Variants in CASZ1 observed in about 807,000 individuals in gnomAD.
CASZ1 encodes the protein castor zinc finger 1.
A neutral mutation model predicts 135.2 loss-of-function variants in CASZ1; 28 were observed. That is an observed-to-expected ratio of 0.21 (90% CI 0.15 to 0.28). The LOEUF is 0.28. Ranked by LOEUF, CASZ1 falls within the 10% of genes least tolerant of loss-of-function variation. CASZ1 has a pLI of 1.00. For synonymous variants in CASZ1, 1,068 were observed against 1,073.4 expected, an observed-to-expected ratio of 0.99 and a Z score of 0.10; for missense variants, 2,161 against 2,453.3, an observed-to-expected ratio of 0.88 and a Z score of 2.52.
At position 10,711,245 on chromosome 1, in the gene CASZ1, C is replaced by G. The variant is rs1427280543; in HGVS notation, c.-76-5701G>C. ...ATTGGGTACGCAGGCTGCTTAACCTCTCCAGGCCCCAGCTTCTTCCATTGA... is the reference window on the plus strand; with the variant it reads ...ATTGGGTACGCAGGCTGCTTAACCTGTCCAGGCCCCAGCTTCTTCCATTGA... On this transcript the variant is annotated intron_variant, in intron 2 of 20. Coordinates refer to ENST00000377022, the MANE Select transcript of CASZ1 (RefSeq NM_001079843.3). This position sits in a 1 kb window ranked among gnomAD's most constrained non-coding sequence, Gnocchi z 4.4. Among the ~76,000 whole-genome samples, 4 of 152,238 alleles carry G rather than the reference C, an allele frequency of 2.6e-5. No homozygotes were observed. The highest frequency in any genetic ancestry group is 9.6e-5 in the African/African-American group (4 of 41,464).
At chr1:10,722,022 C>T (rs1001010619) in intron 2 of CASZ1, among the ~76,000 whole-genome samples, 3 of 152,332 alleles carry the variant, frequency 2.0e-5, no homozygotes, top group South Asian at 4.1e-4. Context: ...AGCATCTGCT[C>T]GTTAAGATGA....
At chr1:10,773,701 T>A (rs1417401432) in intron 1 of CASZ1, among the ~76,000 whole-genome samples, 1 of 151,710 alleles carries the variant, frequency 6.6e-6, no homozygotes, top group Non-Finnish European at 1.5e-5. Flanking sequence ...CAGGTGGGGG[T>A]TCCAGCTTCC....
chr1:10,658,291 G>C (rs916435041), intron 7 of CASZ1: 1 of 549,630 alleles, frequency 1.8e-6, no homozygotes, highest in African/African-American at 1.9e-5. Context: ...AGGCTGCTGA[G>C]GGAATGTGTG....
At chr1:10,792,319 TC>T (rs1553144420) in intron 1 of CASZ1, among the ~76,000 whole-genome samples, 1 of 16,918 alleles carries the variant, frequency 5.9e-5, no homozygotes, top group Admixed American at 1.2e-3. Flanking sequence ...GGCTTACCCC[TC>T]CCCCCCGCCC....
At position 10,706,027 on chromosome 1, in the gene CASZ1, C is replaced by T. The variant is rs899915892; in HGVS notation, c.-76-483G>A. On this transcript the variant is annotated intron_variant, in intron 2 of 20. Transcript: ENST00000377022. This position sits in a 1 kb window ranked among gnomAD's most constrained non-coding sequence, Gnocchi z 4.3. ...TAAAAATGACAAATGCCAAACTGTT[C>T]GCTCTAGCAAGTTGGTGACAGAGGG... is the stretch of plus-strand genomic sequence containing the variant. Among the ~76,000 whole-genome samples the T allele has an allele frequency of 5.9e-5, 9 of 152,252 alleles. No homozygotes were observed. The highest frequency in any genetic ancestry group is 9.6e-5 in the African/African-American group (4 of 41,468).
chr1:10,737,567 T>C (rs1639824372), intron 2 of CASZ1, among the ~76,000 whole-genome samples: 1 of 152,182 alleles, frequency 6.6e-6, no homozygotes, highest in South Asian at 2.1e-4. Flanking sequence ...TTGCATACCC[T>C]GAGATATCTG....
intron 1 of CASZ1, among the ~76,000 whole-genome samples, chr1:10,789,598 T>C (rs765462735): frequency 3.3e-5 from 5 of 151,906 alleles, no homozygotes; most frequent in Admixed American, 1.3e-4. Context: ...ACTCTCTTTC[T>C]CTACGTGTCT....
Position 10,701,698 on chromosome 1 carries a change from G to A in CASZ1, c.-24+3794C>T, listed in dbSNP as rs761785720. ...CCCATCTTGTCGTGAATGAAGACTC[G>A]GCCGATCAGGCTGCTGGTTTGAGGG... On this transcript the variant is annotated intron_variant, in intron 3 of 20. Coordinates refer to ENST00000377022, the MANE Select transcript of CASZ1 (RefSeq NM_001079843.3). The surrounding 1 kb of genome is among the most constrained non-coding windows in gnomAD (Gnocchi z 6.3). Among the ~76,000 whole-genome samples the A allele has an allele frequency of 2.6e-5, 4 of 152,170 alleles. No homozygotes were observed.
intron 1 of CASZ1, among the ~76,000 whole-genome samples, chr1:10,769,765 C>T (rs1473368550): frequency 6.6e-6 from 1 of 152,222 alleles, no homozygotes; most frequent in Non-Finnish European, 1.5e-5. Flanking sequence ...GATCTGCCCA[C>T]CTTGGCCTCC....
chr1:10,654,670 G>C lies in CASZ1; in HGVS notation c.1666-79C>G. On this transcript the variant is annotated intron_variant, in intron 9 of 20. Coordinates refer to ENST00000377022, the MANE Select transcript of CASZ1 (RefSeq NM_001079843.3). ...GAGGTCGACACCACTGTGTGTGGCT[G>C]GGGCCACTGACTTCCCTGCTCAGGG... 2.9e-6 allele frequency: 4 copies of C among 1,398,066 alleles called. No individual in the cohort carries two copies. In the African/African-American group the frequency reaches 5.7e-5, roughly 20 times the overall value. The allele number at this position is 1,398,066 out of a possible 1,614,324, so 86.6% of individuals were successfully genotyped here. A position where few individuals can be genotyped will look rare whatever the true frequency, so the allele number is the denominator to read the frequency against.
chr1:10,644,896 C>T (rs534483901), intron 18 of CASZ1, 21 bp downstream of exon 18: 49 of 1,602,442 alleles, frequency 3.1e-5, no homozygotes, highest in Non-Finnish European at 3.9e-5. Context: ...AGTCCCTGCC[C>T]GCAGCCCCAG....
Position 10,660,163 on chromosome 1 carries a change from G to A in CASZ1, c.879C>T (p.Pro293=), listed in dbSNP as rs1642968646. ...AHLETKATIL[P]LPSHSSVQMQ... ...TCTGGACACTGCTGTGCGACGGCAG[G>A]GGCAGGATGGTGGCCTTGGTCTCCA... Residue 293 remains proline (P), a synonymous_variant, in exon 6 of 21, where the codon CCC becomes CCT. Transcript: ENST00000377022. 6.2e-7 allele frequency: 1 copy of A among 1,613,884 alleles called. No homozygotes were observed. The highest frequency in any genetic ancestry group is 1.1e-5 in the South Asian group (1 of 91,086).
At chr1:10,781,621 C>T (rs537079960) in intron 1 of CASZ1, among the ~76,000 whole-genome samples, 61 of 152,310 alleles carry the variant, frequency 4.0e-4, no homozygotes, top group African/African-American at 1.1e-3. Context: ...TCTGGGATGA[C>T]GCTTCAGCCT....
chr1:10,729,902 G>A (rs775334698), intron 2 of CASZ1, among the ~76,000 whole-genome samples: 1 of 151,892 alleles, frequency 6.6e-6, no homozygotes, highest in South Asian at 2.1e-4. Flanking sequence ...TGCAACTTCC[G>A]CCTCCCAGGT....
chr1:10,707,345 G>A lies in CASZ1; in HGVS notation c.-76-1801C>T, dbSNP rs897409054. Among the ~76,000 whole-genome samples the A allele has an allele frequency of 3.3e-5, 5 of 152,150 alleles. No homozygotes were observed. The highest frequency in any genetic ancestry group is 1.3e-4 in the Admixed American group (2 of 15,274). ...CCGGAATGATAACGACTTGCAGCGC[G>A]GTGTTGCCGTCCCCAACCACCCCTG... is the stretch of plus-strand genomic sequence containing the variant. On this transcript the variant is annotated intron_variant, in intron 2 of 20. Transcript: ENST00000377022. This position sits in a 1 kb window ranked among gnomAD's most constrained non-coding sequence, Gnocchi z 5.0.
chr1:10,642,678 C>T (rs191495139), intron 20 of CASZ1, among the ~76,000 whole-genome samples, 181 bp downstream of exon 20: 7 of 152,288 alleles, frequency 4.6e-5, no homozygotes, highest in East Asian at 3.9e-4. Context: ...GCCAGGGAGG[C>T]GGGAGGATGG....
intron 4 of CASZ1, among the ~76,000 whole-genome samples, chr1:10,680,876 TG>T (rs1638393930): frequency 6.6e-6 from 1 of 152,230 alleles, no homozygotes; most frequent in African/African-American, 2.4e-5. Flanking sequence ...GGGGCAGGGC[TG>T]GGGCCTCACC....
At chr1:10,677,489 T>G (rs1007886493) in intron 4 of CASZ1, among the ~76,000 whole-genome samples, 2 of 152,114 alleles carry the variant, frequency 1.3e-5, no homozygotes, top group Non-Finnish European at 2.9e-5. Flanking sequence ...GTGTGGCAAG[T>G]GGCTCTGGCT....
rs981260367 is a variant in CASZ1, at chr1:10,743,550, G to A, written c.-77+17151C>T. Among the ~76,000 whole-genome samples, 23 of 150,538 alleles carry A rather than the reference G, an allele frequency of 1.5e-4. 1 individual carries two copies. In the East Asian group the frequency reaches 2.3e-3, roughly 15 times the overall value. On this transcript the variant is annotated intron_variant, in intron 2 of 20. Coordinates refer to ENST00000377022, the MANE Select transcript of CASZ1 (RefSeq NM_001079843.3). Reference sequence around the variant, plus strand: ...AGCTGAGAACAAACAGCGGCAACAGGAACAGAGTTGAGCCATTTCAATTAT... The same window carrying A: ...AGCTGAGAACAAACAGCGGCAACAGAAACAGAGTTGAGCCATTTCAATTAT...
Sources: gnomAD v4.1 joint callset for allele counts (sites outside exome capture counted in the v4.1 genomes callset) on GRCh38, gnomAD v4.1.1 for gene constraint, Gnocchi (gnomAD v3.1) non-coding constraint, MANE v1.5 for transcripts, NCBI Gene and HGNC (gene_info 2026-07-23, HGNC 2026-07-21) for gene names.